The following MAP7 variants were observed in gnomAD, a reference collection of about 807,000 sequenced individuals.
MAP7 encodes the protein ensconsin.
Under a neutral mutation model 94.8 loss-of-function variants are expected in MAP7, and 52 were observed. The observed-to-expected ratio is 0.55, with a 90% CI of 0.44 to 0.69. The LOEUF (loss-of-function observed/expected upper bound fraction) is 0.69. MAP7 is among the 30% of genes least tolerant of loss of function. The probability of loss-of-function intolerance (pLI) is 0.00; values close to 1 mark genes in which losing one functional copy is unlikely to be tolerated. For synonymous variants in MAP7, 350 were observed against 357.0 expected (o/e 0.98, Z 0.22); for missense variants, 940 against 964.6 (o/e 0.97, Z 0.34).
intron 1 of MAP7, among the ~76,000 whole-genome samples, chr6:136,549,881 C>A (rs1031705091): frequency 6.6e-6 from 1 of 152,228 alleles, no homozygotes; most frequent in Non-Finnish European, 1.5e-5. Context: ...GCCCCCGGCA[C>A]CCGGGGCGAC....
chr6:136,457,082 C>A (rs1388704669), intron 1 of MAP7, among the ~76,000 whole-genome samples: 11 of 134,988 alleles, frequency 8.1e-5, no homozygotes, highest in South Asian at 2.3e-4. Context: ...AAAACTCAAA[C>A]AAAAAAAAAT....
intron 1 of MAP7, among the ~76,000 whole-genome samples, chr6:136,495,303 T>C (rs936756397): frequency 5.3e-5 from 8 of 152,316 alleles, no homozygotes; most frequent in African/African-American, 1.7e-4. Context: ...GAGCTCTGAA[T>C]CCTCTCAGAA....
chr6:136,447,329 T>C (rs1448602952), intron 1 of MAP7, among the ~76,000 whole-genome samples: 3 of 152,266 alleles, frequency 2.0e-5, no homozygotes, highest in Non-Finnish European at 4.4e-5. Flanking sequence ...GCAAGGCTTC[T>C]CATTTGTAAC....
intron 1 of MAP7, among the ~76,000 whole-genome samples, chr6:136,499,269 C>T (rs1430123287): frequency 6.6e-6 from 1 of 152,082 alleles, no homozygotes; most frequent in Non-Finnish European, 1.5e-5. Context: ...CCCTGAGGCT[C>T]TGTGACTTTT....
chr6:136,419,988 G>A, intron 2 of MAP7: 1 of 743,744 alleles, frequency 1.3e-6, no homozygotes, highest in Non-Finnish European at 2.5e-6. Context: ...TAACTGCAAA[G>A]GACTGTTGTG....
chr6:136,414,808 AT>A lies in MAP7; in HGVS notation c.167-3112del, dbSNP rs550449278. 3.4e-3 allele frequency among the ~76,000 whole-genome samples: 422 copies of A among 123,254 alleles called. 2 individuals carry two copies. The highest frequency in any genetic ancestry group is 8.3e-3 in the Middle Eastern group (2 of 240). The allele number at this position is 123,254 out of a possible 152,430, so 80.9% of individuals were successfully genotyped here. On this transcript the variant is annotated intron_variant, in intron 2 of 17. Coordinates refer to ENST00000354570, the MANE Select transcript of MAP7 (RefSeq NM_003980.6). The stretch of plus-strand genomic sequence containing the variant: ...AGGTGTGCACAACCACAATCAGCTA[AT>A]TTTTTTTTTTTTTTTTTTTGAGACA...
intron 1 of MAP7, among the ~76,000 whole-genome samples, chr6:136,517,060 T>C (rs772747243): frequency 3.9e-5 from 6 of 152,208 alleles, no homozygotes; most frequent in Non-Finnish European, 5.9e-5. Flanking sequence ...GATCAGAGTT[T>C]TCCATTAATC....
chr6:136,518,253 T>G (rs1696015154), intron 1 of MAP7, among the ~76,000 whole-genome samples: 2 of 152,186 alleles, frequency 1.3e-5, no homozygotes, highest in Admixed American at 1.3e-4. Context: ...GTTAGGATAA[T>G]TTTTCTGGGT....
At chr6:136,434,301 C>T (rs1369403719) in intron 1 of MAP7, among the ~76,000 whole-genome samples, 23 of 139,932 alleles carry the variant, frequency 1.6e-4, no homozygotes, top group African/African-American at 5.5e-4. Flanking sequence ...AGCAAGACTC[C>T]GTCTCAAAAA....
rs564357058 is a variant in MAP7 at position 136,512,795 on chromosome 6, T to C, written c.67+37547A>G. Among the ~76,000 whole-genome samples the C allele has an allele frequency of 3.3e-5, 5 of 152,092 alleles. No individual in the cohort carries two copies. In the South Asian group the frequency reaches 6.2e-4, roughly 19 times the overall value. ...GTTGATGGCTGCTGACTGATAAGGA[T>C]AGTAGTCACTGAAGGCTGGGGTGCT... is the stretch of plus-strand genomic sequence containing the variant. On this transcript the variant is annotated intron_variant, in intron 1 of 17. Coordinates refer to ENST00000354570, the MANE Select transcript of MAP7 (RefSeq NM_003980.6).
At chr6:136,371,043 C>G (rs1046244799) in intron 8 of MAP7, among the ~76,000 whole-genome samples, 2 of 151,868 alleles carry the variant, frequency 1.3e-5, no homozygotes, top group Non-Finnish European at 2.9e-5. Flanking sequence ...GTATAAATGA[C>G]TCTGAGTCGT....
rs1162673403 is a variant in MAP7 at position 136,550,129 on chromosome 6, G to GGGCCGAGCCGGGCT, written c.67+199_67+212dup. Among the ~76,000 whole-genome samples the GGGCCGAGCCGGGCT allele has an allele frequency of 2.0e-5, 3 of 150,914 alleles. No homozygotes were observed. The highest frequency in any genetic ancestry group is 2.1e-4 in the South Asian group (1 of 4,826). ...CCGAGGGCGGCCGCAACCCCGGCCG[G>GGGCCGAGCCGGGCT]GGCCGAGCCGGGCTGGCCGAGCCGC... On this transcript the variant is annotated intron_variant, in intron 1 of 17. Coordinates refer to ENST00000354570, the MANE Select transcript of MAP7 (RefSeq NM_003980.6). The surrounding 1 kb of genome is among the most constrained non-coding windows in gnomAD (Gnocchi z 5.1).
intron 1 of MAP7, among the ~76,000 whole-genome samples, chr6:136,506,036 GTTGT>G (rs1821408625): frequency 6.6e-6 from 1 of 152,016 alleles, no homozygotes; most frequent in Non-Finnish European, 1.5e-5. Flanking sequence ...AAATTTCTTT[GTTGT>G]TTGTCAAATC....
chr6:136,505,275 G>GTATATA (rs1312349410), intron 1 of MAP7, among the ~76,000 whole-genome samples: 83 of 69,158 alleles, frequency 1.2e-3, no homozygotes, highest in Admixed American at 3.8e-3. Flanking sequence ...GTGTGTGTGT[G>GTATATA]TGTATATATA....
At chr6:136,472,882 G>C (rs1229015155) in intron 1 of MAP7, among the ~76,000 whole-genome samples, 2 of 151,884 alleles carry the variant, frequency 1.3e-5, no homozygotes, top group Non-Finnish European at 2.9e-5. Context: ...AGCTCAAGTA[G>C]CTCATCATTC....
rs1363404721 is a variant in MAP7 at position 136,454,629 on chromosome 6, G to A, written c.68-32830C>T. Among the ~76,000 whole-genome samples the A allele has an allele frequency of 5.3e-5, 8 of 151,836 alleles. 1 individual carries two copies. The highest frequency in any genetic ancestry group is 5.2e-4 in the Admixed American group (8 of 15,270). On this transcript the variant is annotated intron_variant, in intron 1 of 17. Coordinates refer to ENST00000354570, the MANE Select transcript of MAP7 (RefSeq NM_003980.6). ...TGTCTTTTAAATAGCAAACAGCCAG[G>A]TGCAGTGGCTCACGCCTGAAATCCC... is the stretch of plus-strand genomic sequence containing the variant.
chr6:136,377,717 T>C (rs779389557), intron 7 of MAP7, 38 bp downstream of exon 7: 3 of 1,491,500 alleles, frequency 2.0e-6, no homozygotes, highest in Non-Finnish European at 2.8e-6. Context: ...AAGGGAGGAC[T>C]TGACCTCATG....
chr6:136,529,228 C>T (rs959629897), intron 1 of MAP7, among the ~76,000 whole-genome samples: 3 of 152,290 alleles, frequency 2.0e-5, no homozygotes, highest in Middle Eastern at 3.4e-3. Context: ...GATTCTCCTG[C>T]CTCAGCCTCC....
intron 1 of MAP7, among the ~76,000 whole-genome samples, chr6:136,475,300 G>A (rs1014743700): frequency 1.3e-5 from 2 of 152,052 alleles, no homozygotes; most frequent in Non-Finnish European, 2.9e-5. Flanking sequence ...TAAATGTATT[G>A]CATATTCTCA....
Sources: gnomAD v4.1 joint callset for allele counts (sites outside exome capture counted in the v4.1 genomes callset) on GRCh38, gnomAD v4.1.1 for gene constraint, Gnocchi (gnomAD v3.1) non-coding constraint, MANE v1.5 for transcripts, NCBI Gene and HGNC (gene_info 2026-07-23, HGNC 2026-07-21) for gene names.